The following ITPR1 variants were observed in gnomAD, a reference collection of about 807,000 sequenced individuals.
ITPR1 encodes the protein inositol 1,4,5-trisphosphate receptor type 1, also known as inositol 1,4,5-trisphosphate-gated calcium channel ITPR1.
ITPR1 carries 96 observed loss-of-function variants against 318.4 expected under a neutral mutation model. The ratio of observed to expected loss-of-function variants is 0.30; its 90% CI spans 0.26 to 0.36. The LOEUF is 0.36. Ranked by LOEUF, ITPR1 falls within the 10% of genes least tolerant of loss-of-function variation. The pLI, the probability that ITPR1 is intolerant of heterozygous loss-of-function variation, is 1.00. For missense variants in ITPR1, 2,440 were observed against 3,460.2 expected (o/e 0.71, Z 7.40); for synonymous variants, 1,312 against 1,289.9 (o/e 1.02, Z -0.37).
intron 4 of ITPR1, among the ~76,000 whole-genome samples, chr3:4,552,241 A>T (rs943135170): frequency 6.6e-6 from 1 of 152,158 alleles, no homozygotes; most frequent in African/African-American, 2.4e-5. Flanking sequence ...GGTATCTTCT[A>T]TTTTAATGTT....
At chr3:4,506,232 T>C (rs545182765) in intron 2 of ITPR1, among the ~76,000 whole-genome samples, 4 of 152,230 alleles carry the variant, frequency 2.6e-5, no homozygotes, top group Non-Finnish European at 5.9e-5. Context: ...CTACTGGCTC[T>C]ATCTTCTCTA....
Position 4,723,243 on chromosome 3 carries a change from G to T in ITPR1, c.5137-2303G>T, listed in dbSNP as rs1007467711. On this transcript the variant is annotated intron_variant, in intron 40 of 61. Coordinates refer to ENST00000649015, the MANE Select transcript of ITPR1 (RefSeq NM_001378452.1). ...CAGAGAGGTTCAGTGACTGGCTCAGGGCCACACAGAGAGCCAGAGCTAAAC... is the reference window on the plus strand; with the variant it reads ...CAGAGAGGTTCAGTGACTGGCTCAGTGCCACACAGAGAGCCAGAGCTAAAC... 4.6e-5 allele frequency among the ~76,000 whole-genome samples: 7 copies of T among 152,260 alleles called. No individual in the cohort carries two copies. The South Asian group carries it at 1.4e-3, about 32-fold the overall frequency.
chr3:4,824,180 G>A (rs531995122), intron 60 of ITPR1, among the ~76,000 whole-genome samples: 71 of 152,296 alleles, frequency 4.7e-4, no homozygotes, highest in African/African-American at 1.7e-3. Flanking sequence ...CACCAGCGCT[G>A]CCGTTTCTGG....
In ITPR1 at chr3:4,710,076, C is replaced by T. The variant is rs370525378; in HGVS notation, c.4843-249C>T. ...CTACATGCAGTGGTACCTTGAGTAG[C>T]ATAAGGGCCACCTTGAAAGAAGGGG... On this transcript the variant is annotated intron_variant, in intron 37 of 61. Coordinates refer to ENST00000649015, the MANE Select transcript of ITPR1 (RefSeq NM_001378452.1). This position sits in a 1 kb window ranked among gnomAD's most constrained non-coding sequence, Gnocchi z 4.2. Among the ~76,000 whole-genome samples the T allele has an allele frequency of 2.0e-4, 30 of 152,304 alleles. No individual in the cohort carries two copies. The East Asian group carries it at 4.2e-3, about 22-fold the overall frequency.
chr3:4,499,643 A>G (rs1008652316), intron 2 of ITPR1, among the ~76,000 whole-genome samples: 8 of 152,034 alleles, frequency 5.3e-5, no homozygotes, highest in African/African-American at 1.4e-4. Context: ...TCTTTTTTCC[A>G]TGCATTTTTT....
At chr3:4,749,631 A>C (rs1209048197) in intron 44 of ITPR1, 1 of 152,254 alleles carries the variant, frequency 6.6e-6, no homozygotes, top group East Asian at 1.9e-4. Flanking sequence ...CAAGCCACAC[A>C]TTCTAAGACT....
intron 1 of ITPR1, among the ~76,000 whole-genome samples, chr3:4,494,005 C>T (rs2080351580): frequency 6.6e-6 from 1 of 150,386 alleles, no homozygotes; most frequent in African/African-American, 2.4e-5. Context: ...GAGAATAATG[C>T]ATGTGTAGGG....
rs116391523 is a variant in ITPR1, at chr3:4,657,285, A to G, written c.997-839A>G. 9.7e-3 allele frequency among the ~76,000 whole-genome samples: 1,481 copies of G among 152,120 alleles called. 20 individuals are homozygous for G. Among genetic ancestry groups the G allele is most frequent in the African/African-American group, 0.033 (1,383 of 41,452 alleles). ...TGCTATATCATATTGTGAGTAGACA[A>G]TTATCACTGTAGATGAATCCAGCTG... On this transcript the variant is annotated intron_variant, in intron 12 of 61. Coordinates refer to ENST00000649015, the MANE Select transcript of ITPR1 (RefSeq NM_001378452.1).
chr3:4,688,413 C>A, intron 30 of ITPR1, 82 bp from the exon 31 acceptor site: 2 of 1,538,440 alleles, frequency 1.3e-6, no homozygotes, highest in Middle Eastern at 1.7e-4. Context: ...CTGACTCCCA[C>A]GTTAGCAGGA....
At chr3:4,559,026 G>T (rs996355803) in intron 4 of ITPR1, among the ~76,000 whole-genome samples, 1 of 151,986 alleles carries the variant, frequency 6.6e-6, no homozygotes, top group Non-Finnish European at 1.5e-5. Context: ...AATTTTATTA[G>T]TAGTAGTATT....
intron 60 of ITPR1, chr3:4,825,662 A>T: frequency 2.2e-6 from 1 of 452,260 alleles, no homozygotes; most frequent in Non-Finnish European, 4.4e-6. Flanking sequence ...GCAACGTGTT[A>T]ACAAGGGCAA....
intron 5 of ITPR1, among the ~76,000 whole-genome samples, chr3:4,628,729 G>T (rs2092920218): frequency 6.6e-6 from 1 of 152,194 alleles, no homozygotes; most frequent in African/African-American, 2.4e-5. Context: ...TGTCAGTGTT[G>T]CTTGTTGCAG....
intron 4 of ITPR1, chr3:4,596,253 A>G (rs1326652661): frequency 6.6e-6 from 1 of 152,152 alleles, no homozygotes; most frequent in Non-Finnish European, 1.5e-5. Flanking sequence ...GTTTATTGTA[A>G]ACGGTCTGAC....
chr3:4,658,177 GATGGTATAC>G lies in ITPR1; in HGVS notation c.1051_1059del (p.Met351_Tyr353del). ...GTAGGTTGCGGAATGCCCAAGAAAA[GATGGTATAC>G]TCCCTGGTCTCTGTGCCTGAAGGCA... On this transcript the variant is annotated inframe_deletion, in exon 13 of 62. Transcript: ENST00000649015. 1 of 1,613,646 alleles carries G rather than the reference GATGGTATAC, an allele frequency of 6.2e-7. No homozygotes were observed. The highest frequency in any genetic ancestry group is 8.5e-7 in the Non-Finnish European group (1 of 1,179,674).
At chr3:4,562,178 C>T (rs771350436) in intron 4 of ITPR1, among the ~76,000 whole-genome samples, 36 of 152,010 alleles carry the variant, frequency 2.4e-4, no homozygotes, top group Non-Finnish European at 3.5e-4. Context: ...CATTCAAAGC[C>T]ATCCTGGGCC....
intron 31 of ITPR1, among the ~76,000 whole-genome samples, chr3:4,690,640 A>G (rs2094466274): frequency 6.6e-6 from 1 of 152,228 alleles, no homozygotes; most frequent in South Asian, 2.1e-4. Context: ...AAGAATGTTC[A>G]CAGCAACTCT....
intron 18 of ITPR1, among the ~76,000 whole-genome samples, 184 bp from the exon 19 acceptor site, chr3:4,669,470 C>A (rs1368546441): frequency 6.6e-6 from 1 of 152,140 alleles, no homozygotes; most frequent in Non-Finnish European, 1.5e-5. Flanking sequence ...TTCTTGTTTC[C>A]TCTTCCTTCT....
In ITPR1 at chr3:4,766,749, C is replaced by T. The variant is rs74321362; in HGVS notation, c.5725+39C>T. 24 of 1,486,884 alleles carry T rather than the reference C, an allele frequency of 1.6e-5. No individual in the cohort carries two copies. The African/African-American group carries it at 3.2e-4, about 20-fold the overall frequency. 92.1% of individuals were successfully genotyped at this position (1,486,884 alleles called of 1,614,324 possible). On this transcript the variant is annotated intron_variant, in intron 45 of 61. Transcript: ENST00000649015. ...AGTCTTCAGTCAGCTGGATCATGAA[C>T]ACCAGAAGAGTCCTTGTTATCCTTC...
Position 4,645,457 on chromosome 3 carries a change from A to G in ITPR1, c.695A>G (p.Asp232Gly). Residue 232 changes from aspartate (D) to glycine (G), a missense_variant, in exon 9 of 62, where the codon GAC becomes GGC. This residue lies in a region of ITPR1 where 186 missense variants were observed against 323.9 expected (regional missense o/e 0.57). Transcript: ENST00000649015. ...ATGAAATGGAGTGATAACAAAGACG[A>G]CATATTAAAGGGGGTGAGTTTGATG... ...LFMKWSDNKD[D>G]ILKGGDVVRL... 3 of 1,613,012 alleles carry G rather than the reference A, an allele frequency of 1.9e-6. No homozygotes were observed. The highest frequency in any genetic ancestry group is 2.5e-6 in the Non-Finnish European group (3 of 1,179,048).
Sources: gnomAD v4.1 joint callset for allele counts (sites outside exome capture counted in the v4.1 genomes callset) on GRCh38, gnomAD v4.1.1 for gene constraint, gnomAD v4.1.1 regional missense constraint, Gnocchi (gnomAD v3.1) non-coding constraint, MANE v1.5 for transcripts, NCBI Gene and HGNC (gene_info 2026-07-23, HGNC 2026-07-21) for gene names.